The following ANO3 variants were observed in gnomAD, a reference collection of about 807,000 sequenced individuals.
ANO3 encodes anoctamin-3.
A neutral mutation model predicts 144.8 loss-of-function variants in ANO3; 99 were observed. The ratio of observed to expected loss-of-function variants is 0.68; its 90% CI spans 0.58 to 0.81. ANO3 has a LOEUF of 0.81. Ranked by LOEUF, ANO3 falls within the 30% of genes least tolerant of loss-of-function variation. The pLI, the probability that ANO3 is intolerant of heterozygous loss-of-function variation, is 0.00. For missense variants in ANO3, 905 were observed against 1,202.2 expected (o/e 0.75, Z 3.66); for synonymous variants, 414 against 392.6 (o/e 1.05, Z -0.64).
intron 1 of ANO3, among the ~76,000 whole-genome samples, chr11:26,389,652 T>C (rs1856825407): frequency 6.6e-6 from 1 of 152,076 alleles, no homozygotes; most frequent in Non-Finnish European, 1.5e-5. Context: ...AAGTCTTACA[T>C]TATAATCATG....
intron 1 of ANO3, among the ~76,000 whole-genome samples, chr11:26,229,997 T>G (rs1444061318): frequency 6.6e-6 from 1 of 152,192 alleles, no homozygotes; most frequent in Non-Finnish European, 1.5e-5. Context: ...GATCAGAGCC[T>G]CCTTACTTTT....
intron 18 of ANO3, among the ~76,000 whole-genome samples, chr11:26,627,251 G>A (rs1426480444): frequency 1.3e-5 from 2 of 151,906 alleles, no homozygotes; most frequent in East Asian, 3.9e-4. Context: ...CATCATGACT[G>A]TATAACTATC....
intron 1 of ANO3, among the ~76,000 whole-genome samples, chr11:26,356,907 A>G (rs1022647754): frequency 6.6e-6 from 1 of 152,158 alleles, no homozygotes; most frequent in Non-Finnish European, 1.5e-5. Context: ...TTTGTAGTCA[A>G]ATTTCTCTTC....
chr11:26,497,102 G>A (rs990015875), intron 4 of ANO3, among the ~76,000 whole-genome samples: 4 of 150,378 alleles, frequency 2.7e-5, no homozygotes, highest in Admixed American at 2.0e-4. Context: ...ATATATTTCT[G>A]TGTGTGTATA....
chr11:26,312,078 A>C (rs1330134681), intron 1 of ANO3, among the ~76,000 whole-genome samples: 3 of 152,100 alleles, frequency 2.0e-5, no homozygotes, highest in Non-Finnish European at 2.9e-5. Flanking sequence ...CCCACCTATG[A>C]GTGAGAGCAT....
chr11:26,582,246 G>T (rs1851153835), intron 14 of ANO3, among the ~76,000 whole-genome samples: 1 of 152,140 alleles, frequency 6.6e-6, no homozygotes, highest in South Asian at 2.1e-4. Context: ...TATTTTAAAG[G>T]TGAAGTCAGT....
intron 4 of ANO3, among the ~76,000 whole-genome samples, chr11:26,465,124 T>TTG (rs36230269): frequency 0.084 from 12,239 of 145,246 alleles, 515 homozygotes; most frequent in Admixed American, 0.12. Flanking sequence ...CATCATTAAA[T>TTG]TGTGTGTGTG....
At chr11:26,195,844 A>C (rs1291805722) in intron 1 of ANO3, among the ~76,000 whole-genome samples, 1 of 152,134 alleles carries the variant, frequency 6.6e-6, no homozygotes, top group Non-Finnish European at 1.5e-5. Context: ...GTTATTTAAA[A>C]CTTCTCTCTG....
At position 26,559,715 on chromosome 11, in the gene ANO3, T is replaced by C. The variant is rs1850206135; in HGVS notation, c.1387-4T>C. On this transcript the variant is annotated splice_polypyrimidine_tract_variant and splice_region_variant and intron_variant, in intron 13 of 26. Transcript: ENST00000256737. ...ACTAATATTTCTGTTTGTTTTCTACTCAGGTGACATATTTGTTCGATAATG... is the reference window on the plus strand; with the variant it reads ...ACTAATATTTCTGTTTGTTTTCTACCCAGGTGACATATTTGTTCGATAATG... 1.2e-6 allele frequency: 2 copies of C among 1,608,516 alleles called. No homozygotes were observed. Among genetic ancestry groups the C allele is most frequent in the South Asian group, 1.1e-5 (1 of 90,970 alleles).
chr11:26,205,888 T>G (rs568211677), intron 1 of ANO3, among the ~76,000 whole-genome samples: 3 of 152,318 alleles, frequency 2.0e-5, no homozygotes, highest in South Asian at 4.1e-4. Flanking sequence ...AAAAGCCTTT[T>G]AAGAAAAACT....
chr11:26,636,944 G>A (rs539460822), intron 20 of ANO3, among the ~76,000 whole-genome samples: 119 of 152,308 alleles, frequency 7.8e-4, no homozygotes, highest in Middle Eastern at 6.8e-3. Context: ...CTCACAAGGA[G>A]TAAGAGAAAA....
At chr11:26,617,739 C>T (rs1852301477) in intron 17 of ANO3, among the ~76,000 whole-genome samples, 2 of 152,186 alleles carry the variant, frequency 1.3e-5, no homozygotes, top group African/African-American at 4.8e-5. Flanking sequence ...AGGAAGTGAA[C>T]TATAATACAG....
chr11:26,323,539 G>A (rs184067788), intron 1 of ANO3, among the ~76,000 whole-genome samples: 3 of 152,158 alleles, frequency 2.0e-5, no homozygotes, highest in African/African-American at 4.8e-5. Flanking sequence ...TTCAAGAGAC[G>A]TTGGTCCTTG....
At chr11:26,401,047 CT>C in intron 1 of ANO3, among the ~76,000 whole-genome samples, 1 of 152,090 alleles carries the variant, frequency 6.6e-6, no homozygotes, top group Admixed American at 6.6e-5. Context: ...AATTATCTAC[CT>C]TTGGATATGC....
intron 4 of ANO3, among the ~76,000 whole-genome samples, chr11:26,470,923 T>C (rs1859758774): frequency 6.6e-6 from 1 of 151,992 alleles, no homozygotes; most frequent in South Asian, 2.1e-4. Context: ...TCCATTTTGT[T>C]ACACTGGCAT....
chr11:26,211,192 G>C (rs191644217), intron 1 of ANO3, among the ~76,000 whole-genome samples: 1 of 152,060 alleles, frequency 6.6e-6, no homozygotes, highest in Admixed American at 6.6e-5. Flanking sequence ...TAGAACTCAG[G>C]ATGAAGAAAC....
chr11:26,634,098 A>AAC, intron 18 of ANO3, 106 bp from the exon 19 acceptor site: 1 of 548,808 alleles, frequency 1.8e-6, no homozygotes, highest in Non-Finnish European at 3.1e-6. Context: ...AAAAAAAAAA[A>AAC]TTAAATTAAA....
intron 22 of ANO3, among the ~76,000 whole-genome samples, chr11:26,642,267 C>T (rs1853181176): frequency 6.6e-6 from 1 of 151,646 alleles, no homozygotes; most frequent in African/African-American, 2.4e-5. Context: ...AGTGGAACAC[C>T]TATTTTATGA....
intron 4 of ANO3, among the ~76,000 whole-genome samples, chr11:26,492,600 T>C (rs1253138438): frequency 6.6e-6 from 1 of 152,224 alleles, no homozygotes; most frequent in Non-Finnish European, 1.5e-5. Flanking sequence ...AATATCATCA[T>C]TTGATAATTA....
Sources: gnomAD v4.1 joint callset for allele counts (sites outside exome capture counted in the v4.1 genomes callset) on GRCh38, gnomAD v4.1.1 for gene constraint, MANE v1.5 for transcripts, NCBI Gene and HGNC (gene_info 2026-07-23, HGNC 2026-07-21) for gene names.